ADGRL2: variants seen among roughly 807,000 people sequenced by gnomAD.
The protein encoded by ADGRL2 is adhesion G protein-coupled receptor L2.
ADGRL2 carries 44 observed loss-of-function variants against 157.4 expected under a neutral mutation model. That is an observed-to-expected ratio of 0.28 (90% confidence interval 0.22 to 0.36). ADGRL2 has a LOEUF of 0.36. Ranked by LOEUF, ADGRL2 falls within the 10% of genes least tolerant of loss-of-function variation. The pLI is 1.00. For missense variants in ADGRL2, 1,510 were observed against 1,768.9 expected, an observed-to-expected ratio of 0.85 and a Z score of 2.63; for synonymous variants, 585 against 624.7, an observed-to-expected ratio of 0.94 and a Z score of 0.95.
intron 1 of ADGRL2, among the ~76,000 whole-genome samples, chr1:81,399,005 A>C (rs1431832696): frequency 2.0e-5 from 3 of 152,210 alleles, no homozygotes; most frequent in Non-Finnish European, 4.4e-5. Context: ...TTTATGAAAA[A>C]AAGAGGTTTA....
At chr1:81,981,659 A>T (rs1480638933) in intron 18 of ADGRL2, 149 bp from the exon 19 acceptor site, 4 of 672,340 alleles carry the variant, frequency 5.9e-6, no homozygotes, top group South Asian at 1.9e-5. Flanking sequence ...GTTCTTTCTT[A>T]ATCAGAGAAA....
At chr1:81,350,908 T>C (rs1037971476) in intron 1 of ADGRL2, among the ~76,000 whole-genome samples, 2 of 152,220 alleles carry the variant, frequency 1.3e-5, no homozygotes, top group Non-Finnish European at 1.5e-5. Context: ...TATTGACTTA[T>C]GGCTCAAAGA....
intron 3 of ADGRL2, among the ~76,000 whole-genome samples, chr1:81,935,497 C>T (rs953759435): frequency 6.6e-6 from 1 of 151,858 alleles, no homozygotes; most frequent in Non-Finnish European, 1.5e-5. Context: ...CCAAAGTATA[C>T]GACTGTTCCT....
At chr1:81,419,030 G>T (rs955412887) in intron 1 of ADGRL2, among the ~76,000 whole-genome samples, 1 of 152,124 alleles carries the variant, frequency 6.6e-6, no homozygotes, top group East Asian at 1.9e-4. Flanking sequence ...ATCCAGGAAT[G>T]CAATGCACTA....
At chr1:81,324,500 C>T (rs1399774229) in intron 1 of ADGRL2, among the ~76,000 whole-genome samples, 1 of 148,346 alleles carries the variant, frequency 6.7e-6, no homozygotes, top group Non-Finnish European at 1.5e-5. Flanking sequence ...CAGAATGAGA[C>T]CCTGTCTCAA....
At chr1:81,476,179 AAG>A (rs1385713901) in intron 2 of ADGRL2, among the ~76,000 whole-genome samples, 1 of 152,148 alleles carries the variant, frequency 6.6e-6, no homozygotes, top group Admixed American at 6.6e-5. Context: ...GAGAAAGAAA[AAG>A]AAAAAAAGGA....
Position 81,693,217 on chromosome 1 carries a change from A to T in ADGRL2, c.-142-68594A>T, listed in dbSNP as rs113051610. On this transcript the variant is annotated intron_variant, in intron 3 of 24. Transcript: ENST00000370721. Reference sequence around the variant, plus strand: ...GCATTCCCATGTCCCCATACGCTTGATGCTGTTCCTTGTGCTTTTCATCCA... The same window carrying T: ...GCATTCCCATGTCCCCATACGCTTGTTGCTGTTCCTTGTGCTTTTCATCCA... 4.1e-3 allele frequency among the ~76,000 whole-genome samples: 629 copies of T among 152,206 alleles called. 6 individuals carry two copies. The highest frequency in any genetic ancestry group is 0.014 in the African/African-American group (587 of 41,522).
chr1:81,417,060 A>G (rs2077044928), intron 1 of ADGRL2, among the ~76,000 whole-genome samples: 1 of 152,172 alleles, frequency 6.6e-6, no homozygotes, highest in Non-Finnish European at 1.5e-5. Flanking sequence ...ATGCCATGCT[A>G]TATTCTATGT....
At chr1:81,384,916 T>C (rs1412905860) in intron 1 of ADGRL2, among the ~76,000 whole-genome samples, 2 of 152,174 alleles carry the variant, frequency 1.3e-5, no homozygotes, top group East Asian at 3.9e-4. Context: ...CCTTCTCTAT[T>C]GATTGTTAAT....
At chr1:81,416,389 A>C (rs530015728) in intron 1 of ADGRL2, among the ~76,000 whole-genome samples, 6 of 151,882 alleles carry the variant, frequency 4.0e-5, no homozygotes, top group Admixed American at 3.3e-4. Context: ...TCTACCTCTT[A>C]CATTAACAGA....
At chr1:81,811,145 A>G (rs1250664153) in intron 1 of ADGRL2, among the ~76,000 whole-genome samples, 1 of 151,940 alleles carries the variant, frequency 6.6e-6, no homozygotes, top group Non-Finnish European at 1.5e-5. Context: ...TTTCTTAAGC[A>G]GAAAACCCCA....
At chr1:81,975,716 A>G (rs911406450) in intron 17 of ADGRL2, among the ~76,000 whole-genome samples, 1 of 152,064 alleles carries the variant, frequency 6.6e-6, no homozygotes, top group African/African-American at 2.4e-5. Context: ...AGAAAAATGC[A>G]AAGAAGAAAG....
intron 2 of ADGRL2, among the ~76,000 whole-genome samples, chr1:81,489,576 A>C (rs762850239): frequency 6.6e-6 from 1 of 151,212 alleles, no homozygotes; most frequent in Non-Finnish European, 1.5e-5. Flanking sequence ...TGAAAACATC[A>C]CAAATATGAT....
chr1:81,601,294 T>C (rs920568240), intron 3 of ADGRL2, among the ~76,000 whole-genome samples: 26 of 152,236 alleles, frequency 1.7e-4, no homozygotes, highest in African/African-American at 6.3e-4. Context: ...TTTTAATTTG[T>C]TTGTGATGTC....
intron 3 of ADGRL2, among the ~76,000 whole-genome samples, chr1:81,666,315 G>C (rs2082749439): frequency 6.6e-6 from 1 of 152,120 alleles, no homozygotes; most frequent in Non-Finnish European, 1.5e-5. Flanking sequence ...GGTTTCTGTG[G>C]ACTCTGCACT....
chr1:81,307,219 C>T lies in ADGRL2; in HGVS notation c.-302+710C>T, dbSNP rs138534459. ...ATGTTTGTATAACACTGTTTGAGAT[C>T]AATTTTTGAGAATGATTTCAATAGC... is the stretch of plus-strand genomic sequence containing the variant. On this transcript the variant is annotated intron_variant, in intron 1 of 24. Transcript: ENST00000370721. Among the ~76,000 whole-genome samples the T allele has an allele frequency of 1.9e-3, 282 of 152,222 alleles. 5 individuals are homozygous for T. In the South Asian group the frequency reaches 0.051, roughly 28 times the overall value.
At chr1:81,770,135 A>C (rs1040558807) in intron 2 of ADGRL2, among the ~76,000 whole-genome samples, 2 of 136,202 alleles carry the variant, frequency 1.5e-5, no homozygotes, top group African/African-American at 5.5e-5. Flanking sequence ...GATTACAGGC[A>C]TGAGCCACTG....
At chr1:81,931,151 A>T (rs974185286) in intron 3 of ADGRL2, among the ~76,000 whole-genome samples, 4 of 152,134 alleles carry the variant, frequency 2.6e-5, no homozygotes, top group African/African-American at 9.7e-5. Context: ...TTTGTCTCAA[A>T]AAAACCAAAA....
intron 3 of ADGRL2, among the ~76,000 whole-genome samples, chr1:81,666,686 A>C (rs576798826): frequency 6.6e-6 from 1 of 152,312 alleles, no homozygotes; most frequent in South Asian, 2.1e-4. Flanking sequence ...GAGTTGAAAT[A>C]GTTCACTATT....
Sources: allele counts gnomAD v4.1 joint callset (sites outside exome capture counted in the v4.1 genomes callset), GRCh38; gene constraint gnomAD v4.1.1; transcripts MANE v1.5; gene names NCBI Gene and HGNC (gene_info 2026-07-23, HGNC 2026-07-21).